CDYL2: variants seen among roughly 807,000 people sequenced by gnomAD.
CDYL2 encodes chromodomain Y like 2.
In CDYL2, 23 loss-of-function variants were observed where a neutral mutation model predicts 49.4. The ratio of observed to expected loss-of-function variants is 0.47; its 90% CI spans 0.34 to 0.66. The LOEUF is 0.66. Ranked by LOEUF, CDYL2 falls within the 30% of genes least tolerant of loss-of-function variation. CDYL2 has a pLI of 0.01. For synonymous variants in CDYL2, 360 were observed against 268.8 expected, an observed-to-expected ratio of 1.34 and a Z score of -3.32; for missense variants, 678 against 656.4, an observed-to-expected ratio of 1.03 and a Z score of -0.36.
At chr16:80,790,582 C>G (rs1210486525) in intron 1 of CDYL2, among the ~76,000 whole-genome samples, 1 of 152,162 alleles carries the variant, frequency 6.6e-6, no homozygotes. Context: ...GCAATACAGA[C>G]AAGCAAATTA....
intron 1 of CDYL2, among the ~76,000 whole-genome samples, chr16:80,768,387 G>C (rs542822996): frequency 1.3e-5 from 2 of 152,274 alleles, no homozygotes; most frequent in East Asian, 3.9e-4. Flanking sequence ...ATGTGTCTTA[G>C]ACTATTCAGG....
rs764454415 is a variant in CDYL2, at chr16:80,633,030, G to A, written c.823C>T (p.Leu275=). ...LSSQTSDNNA[L]TPEIMKEVRR... is the part of the protein sequence containing the mutation. The stretch of plus-strand genomic sequence containing the variant: ...CCGCCACCCCTTACCTCAGGTGTCA[G>A]GGCATTGTTATCCGAGGTCTGACTG... The change falls in exon 3 of 7, where the codon CTG becomes TTG. Residue 275 remains leucine (L), a synonymous_variant. Transcript: ENST00000570137. 3 of 1,614,038 alleles carry A rather than the reference G, an allele frequency of 1.9e-6. No homozygotes were observed. Among genetic ancestry groups the A allele is most frequent in the East Asian group, 2.2e-5 (1 of 44,876 alleles).
intron 3 of CDYL2, among the ~76,000 whole-genome samples, chr16:80,628,725 C>G: frequency 6.6e-6 from 1 of 152,232 alleles, no homozygotes; most frequent in East Asian, 1.9e-4. Flanking sequence ...TACTTACCAT[C>G]TTTATATCCC....
At chr16:80,721,862 C>A (rs1425454121) in intron 1 of CDYL2, among the ~76,000 whole-genome samples, 1 of 152,144 alleles carries the variant, frequency 6.6e-6, no homozygotes, top group Non-Finnish European at 1.5e-5. Context: ...TTGCCCTGTC[C>A]ACCTCTCCCC....
chr16:80,774,996 A>G (rs1473171390), intron 1 of CDYL2, among the ~76,000 whole-genome samples: 1 of 152,054 alleles, frequency 6.6e-6, no homozygotes. Flanking sequence ...ATCACCAAAA[A>G]GATTTATTTC....
chr16:80,634,836 T>A (rs369350586), intron 2 of CDYL2, among the ~76,000 whole-genome samples: 2 of 152,136 alleles, frequency 1.3e-5, no homozygotes, highest in East Asian at 3.9e-4. Context: ...CTAAAGAAAT[T>A]GAATCAATAA....
At chr16:80,666,527 G>A (rs371055588) in intron 2 of CDYL2, among the ~76,000 whole-genome samples, 2 of 152,148 alleles carry the variant, frequency 1.3e-5, no homozygotes, top group Non-Finnish European at 2.9e-5. Context: ...CTGTGGCTTC[G>A]TGAATATAAA....
intron 1 of CDYL2, among the ~76,000 whole-genome samples, chr16:80,755,578 T>C (rs182624082): frequency 3.7e-4 from 57 of 152,326 alleles, no homozygotes; most frequent in African/African-American, 1.1e-3. Flanking sequence ...ATTTTGCTTC[T>C]AGAAACTTAT....
At chr16:80,676,605 G>A (rs1445165853) in intron 2 of CDYL2, among the ~76,000 whole-genome samples, 2 of 152,186 alleles carry the variant, frequency 1.3e-5, no homozygotes, top group African/African-American at 4.8e-5. Flanking sequence ...GGAATGAGAT[G>A]TTTCTGAAAC....
chr16:80,665,505 TAAAAAAA>T (rs35248259), intron 2 of CDYL2, among the ~76,000 whole-genome samples: 97 of 121,632 alleles, frequency 8.0e-4, no homozygotes, highest in Middle Eastern at 4.4e-3. Context: ...TTTTTGCCAT[TAAAAAAA>T]AAAAAAAAAA....
At chr16:80,698,812 C>T (rs901173476) in intron 1 of CDYL2, among the ~76,000 whole-genome samples, 1 of 152,078 alleles carries the variant, frequency 6.6e-6, no homozygotes, top group African/African-American at 2.4e-5. Context: ...TCCTGTAGAG[C>T]CTGCAGAACC....
At chr16:80,634,047 G>A (rs1486957972) in intron 2 of CDYL2, among the ~76,000 whole-genome samples, 1 of 150,736 alleles carries the variant, frequency 6.6e-6, no homozygotes, top group Non-Finnish European at 1.5e-5. Flanking sequence ...GCTCAAATGT[G>A]TATTTTGAAA....
At chr16:80,787,854 G>C (rs1258781429) in intron 1 of CDYL2, among the ~76,000 whole-genome samples, 2 of 152,132 alleles carry the variant, frequency 1.3e-5, no homozygotes, top group African/African-American at 4.8e-5. Flanking sequence ...TAATGTGCAT[G>C]CTCTGGTAAT....
intron 3 of CDYL2, 51 bp downstream of exon 3, chr16:80,632,968 G>T: frequency 6.5e-7 from 1 of 1,541,346 alleles, no homozygotes; most frequent in Non-Finnish European, 9.0e-7. Context: ...CATTCTGAGT[G>T]AGAAGGAGCC....
intron 1 of CDYL2, among the ~76,000 whole-genome samples, chr16:80,746,856 C>A (rs144360472): frequency 3.9e-4 from 59 of 152,294 alleles, no homozygotes; most frequent in Non-Finnish European, 5.1e-4. Flanking sequence ...CAGACTTTAA[C>A]AACTTGCAGA....
intron 2 of CDYL2, among the ~76,000 whole-genome samples, chr16:80,677,515 G>T (rs1401483999): frequency 6.6e-6 from 1 of 151,894 alleles, no homozygotes; most frequent in East Asian, 1.9e-4. Flanking sequence ...GAGGCGGGCG[G>T]ACCACGAGGT....
intron 4 of CDYL2, among the ~76,000 whole-genome samples, chr16:80,616,009 C>CCA (rs1038186759): frequency 2.6e-4 from 40 of 152,198 alleles, no homozygotes; most frequent in African/African-American, 8.9e-4. Context: ...CCACCTTCCC[C>CCA]CACATCCAAG....
At chr16:80,652,486 T>C (rs765809685) in intron 2 of CDYL2, among the ~76,000 whole-genome samples, 8 of 152,230 alleles carry the variant, frequency 5.3e-5, no homozygotes, top group Non-Finnish European at 8.8e-5. Flanking sequence ...AAATCTTCCA[T>C]GCAGAAGAAT....
intron 2 of CDYL2, among the ~76,000 whole-genome samples, chr16:80,678,885 G>A (rs1305707460): frequency 2.0e-5 from 3 of 151,094 alleles, no homozygotes; most frequent in African/African-American, 7.4e-5. Context: ...ATGATAGATT[G>A]GATTAAGAAA....
Sources: allele counts gnomAD v4.1 joint callset (sites outside exome capture counted in the v4.1 genomes callset), GRCh38; gene constraint gnomAD v4.1.1; transcripts MANE v1.5; gene names NCBI Gene and HGNC (gene_info 2026-07-23, HGNC 2026-07-21).